Variants in TENM3 observed in about 807,000 individuals in gnomAD.
TENM3 encodes teneurin-3.
A neutral mutation model predicts 255.1 loss-of-function variants in TENM3; 63 were observed. The ratio of observed to expected loss-of-function variants is 0.25; its 90% confidence interval spans 0.20 to 0.30. The LOEUF is 0.30. Ranked by LOEUF, TENM3 falls within the 10% of genes least tolerant of loss-of-function variation. The probability of loss-of-function intolerance (pLI) is 1.00; values close to 1 mark genes in which losing one functional copy is unlikely to be tolerated. For synonymous variants in TENM3, 1,306 were observed against 1,322.3 expected, an observed-to-expected ratio of 0.99 and a Z score of 0.27; for missense variants, 2,929 against 3,461.1, an observed-to-expected ratio of 0.85 and a Z score of 3.86.
the TENM3 span, among the ~76,000 whole-genome samples, chr4:181,888,494 G>GCA: frequency 8.1e-4 from 23 of 28,228 alleles, no homozygotes; most frequent in Non-Finnish European, 1.0e-3. Context: ...ATAGAAATGT[G>GCA]TATATATATA....
At chr4:181,525,748 T>C in the TENM3 span, among the ~76,000 whole-genome samples, 1 of 152,212 alleles carries the variant, frequency 6.6e-6, no homozygotes, top group African/African-American at 2.4e-5. Context: ...TTTTCTCAAA[T>C]GTAGCAGTCA....
At chr4:182,268,881 C>A (rs1423230351) in intron 1 of TENM3, among the ~76,000 whole-genome samples, 1 of 152,162 alleles carries the variant, frequency 6.6e-6, no homozygotes, top group Non-Finnish European at 1.5e-5. Flanking sequence ...GCTGCTCTGT[C>A]TATGGAGTAG....
intron 4 of TENM3, among the ~76,000 whole-genome samples, chr4:182,627,360 T>C (rs1750915874): frequency 1.3e-5 from 2 of 152,160 alleles, no homozygotes; most frequent in South Asian, 2.1e-4. Context: ...ACCTACTAAG[T>C]GGTTAGGTGG....
the TENM3 span, chr4:181,976,378 C>T: frequency 6.6e-6 from 1 of 152,230 alleles, no homozygotes; most frequent in African/African-American, 2.4e-5. Flanking sequence ...CTCAGCCTCC[C>T]AAAGTGCTGG....
At chr4:181,530,101 AAG>A in the TENM3 span, among the ~76,000 whole-genome samples, 1 of 152,236 alleles carries the variant, frequency 6.6e-6, no homozygotes, top group African/African-American at 2.4e-5. Context: ...CTCCAAATGA[AAG>A]AGCACTTTTT....
intron 3 of TENM3, among the ~76,000 whole-genome samples, chr4:182,427,898 G>T (rs1771346038): frequency 2.0e-5 from 3 of 151,264 alleles, no homozygotes; most frequent in Admixed American, 2.0e-4. Flanking sequence ...CTGTGTACAT[G>T]AGAAGTGACT....
chr4:182,333,476 G>A (rs1198741024), intron 2 of TENM3, among the ~76,000 whole-genome samples: 3 of 152,182 alleles, frequency 2.0e-5, no homozygotes, highest in Non-Finnish European at 4.4e-5. Context: ...AATCAAAGGG[G>A]AAAACCATGA....
intron 3 of TENM3, among the ~76,000 whole-genome samples, chr4:182,361,805 G>A (rs1256231530): frequency 2.0e-5 from 3 of 152,096 alleles, no homozygotes; most frequent in Non-Finnish European, 4.4e-5. Context: ...GCTTTTTAGA[G>A]TTTCCAGTTT....
intron 1 of TENM3, among the ~76,000 whole-genome samples, chr4:182,195,559 G>C (rs937734757): frequency 1.3e-5 from 2 of 152,072 alleles, no homozygotes; most frequent in African/African-American, 2.4e-5. Context: ...ACGATCCTTT[G>C]AGCTGGGGAG....
At chr4:181,543,264 G>T in the TENM3 span, among the ~76,000 whole-genome samples, 1 of 152,022 alleles carries the variant, frequency 6.6e-6, no homozygotes, top group South Asian at 2.1e-4. Flanking sequence ...GGGATCTTTG[G>T]TCACCAGAAT....
At chr4:182,513,507 A>G (rs1737625924) in intron 3 of TENM3, among the ~76,000 whole-genome samples, 1 of 152,188 alleles carries the variant, frequency 6.6e-6, no homozygotes, top group East Asian at 1.9e-4. Context: ...AATGAAAAAA[A>G]AAAAAACCTT....
intron 3 of TENM3, among the ~76,000 whole-genome samples, chr4:182,527,664 T>C (rs1046289166): frequency 2.6e-5 from 4 of 152,204 alleles, no homozygotes; most frequent in Non-Finnish European, 4.4e-5. Flanking sequence ...TTTCTAAACA[T>C]TGATTTTCTC....
chr4:181,832,016 G>GTGTGTA, the TENM3 span, among the ~76,000 whole-genome samples: 1 of 138,350 alleles, frequency 7.2e-6, no homozygotes, highest in Non-Finnish European at 1.6e-5. Context: ...GTGTGTGTGT[G>GTGTGTA]TATAAAATGT....
chr4:181,482,673 T>A, the TENM3 span, among the ~76,000 whole-genome samples: 1 of 152,152 alleles, frequency 6.6e-6, no homozygotes, highest in Non-Finnish European at 1.5e-5. Flanking sequence ...AGAGGAAAGA[T>A]ATCCTCACCT....
At chr4:181,517,488 C>T in the TENM3 span, among the ~76,000 whole-genome samples, 1 of 152,168 alleles carries the variant, frequency 6.6e-6, no homozygotes, top group African/African-American at 2.4e-5. Flanking sequence ...CAGGCTGTAC[C>T]TCTGCAAAAT....
intron 4 of TENM3, among the ~76,000 whole-genome samples, chr4:182,614,665 C>T (rs561669799): frequency 2.2e-3 from 328 of 152,208 alleles, no homozygotes; most frequent in African/African-American, 7.6e-3. Flanking sequence ...AACTAGTCCT[C>T]CTAGTACTTT....
intron 3 of TENM3, among the ~76,000 whole-genome samples, chr4:182,583,471 T>C (rs935541131): frequency 2.0e-5 from 3 of 151,780 alleles, no homozygotes; most frequent in African/African-American, 7.3e-5. Context: ...TCCCCTAATA[T>C]TACAGATGAA....
intron 22 of TENM3, among the ~76,000 whole-genome samples, chr4:182,759,601 T>G (rs1579375509): frequency 6.6e-6 from 1 of 152,224 alleles, no homozygotes; most frequent in East Asian, 1.9e-4. Flanking sequence ...AACAAAATAA[T>G]AACTTCCTAT....
rs184920123 is a variant in TENM3 at position 182,643,407 on chromosome 4, T to G, written c.989-10364T>G. On this transcript the variant is annotated intron_variant, in intron 5 of 27. Coordinates refer to ENST00000511685, the MANE Select transcript of TENM3 (RefSeq NM_001080477.4). ...TCGGTATTCTAATGTGTTGACATCT[T>G]ATTGATGCCAGATATTTTTCCCTGT... Among the ~76,000 whole-genome samples the G allele has an allele frequency of 2.6e-3, 401 of 152,354 alleles. 1 individual carries two copies. Among genetic ancestry groups the G allele is most frequent in the Middle Eastern group, 0.02 (6 of 294 alleles).
Sources: gnomAD v4.1 joint callset for allele counts (sites outside exome capture counted in the v4.1 genomes callset) on GRCh38, gnomAD v4.1.1 for gene constraint, MANE v1.5 for transcripts, NCBI Gene and HGNC (gene_info 2026-07-23, HGNC 2026-07-21) for gene names.